TINCR: variants seen among roughly 807,000 people sequenced by gnomAD.
The protein encoded by TINCR is TINCR-encoded ubiquitin-like protein.
downstream of TINCR, chr19:5,558,664 A>G (rs914951149): frequency 3.3e-5 from 5 of 152,244 alleles, no homozygotes; most frequent in Non-Finnish European, 5.9e-5. Flanking sequence ...AGCTTCCTCA[A>G]AGCAGCTCTG....
At position 5,565,557 on chromosome 19, in the gene TINCR, T is replaced by C. The variant is rs2052124108; in HGVS notation, c.260+2108A>G. On this transcript the variant is annotated intron_variant, in intron 1 of 1. Transcript: ENST00000646160. This position sits in a 1 kb window ranked among gnomAD's most constrained non-coding sequence, Gnocchi z 4.0. The stretch of plus-strand genomic sequence containing the variant: ...TAATTACAGTCTGGACGTCTGAGGG[T>C]CGTCCAGCCCCCAGACCTCATAGAA... Among the ~76,000 whole-genome samples, 1 of 151,958 alleles carries C rather than the reference T, an allele frequency of 6.6e-6. No individual in the cohort carries two copies. The highest frequency in any genetic ancestry group is 1.9e-4 in the East Asian group (1 of 5,172).
intron 1 of TINCR, 34 bp downstream of exon 1, chr19:5,567,626 GCCGCC>G: frequency 9.9e-6 from 2 of 202,430 alleles, no homozygotes; most frequent in Non-Finnish European, 2.0e-5. Context: ...GTCCCCGGCC[GCCGCC>G]CCCGCCCCAC....
rs531371230 is a variant in TINCR, at chr19:5,565,754, C to T, written c.260+1911G>A. 3.5e-4 allele frequency among the ~76,000 whole-genome samples: 54 copies of T among 152,332 alleles called. No homozygotes were observed. Among genetic ancestry groups the T allele is most frequent in the African/African-American group, 1.3e-3 (52 of 41,562 alleles). On this transcript the variant is annotated intron_variant, in intron 1 of 1. Coordinates refer to ENST00000646160, the Ensembl canonical transcript of TINCR. The surrounding 1 kb of genome is among the most constrained non-coding windows in gnomAD (Gnocchi z 4.0). Reference sequence around the variant, plus strand: ...TCCTGCAACGGGGTGGCATCTGAGGCTCCTGCCCTCAAAACATCAACCCAG... The same window carrying T: ...TCCTGCAACGGGGTGGCATCTGAGGTTCCTGCCCTCAAAACATCAACCCAG...
chr19:5,566,541 G>A (rs904598709), intron 1 of TINCR, among the ~76,000 whole-genome samples: 3 of 149,066 alleles, frequency 2.0e-5, no homozygotes, highest in African/African-American at 7.4e-5. Flanking sequence ...AGAGAGAGAT[G>A]CGCGCACACA....
chr19:5,563,135 G>A lies in TINCR; in HGVS notation c.261-186C>T, dbSNP rs1366850659. Among the ~76,000 whole-genome samples the A allele has an allele frequency of 2.0e-5, 3 of 151,940 alleles. No individual in the cohort carries two copies. The highest frequency in any genetic ancestry group is 7.3e-5 in the African/African-American group (3 of 41,366). Reference sequence around the variant, plus strand: ...AGAGGGAGGAGGAGCAAGCAGGGAGGGAATACAGCAGGTCATCCAGGGTCT... The same window carrying A: ...AGAGGGAGGAGGAGCAAGCAGGGAGAGAATACAGCAGGTCATCCAGGGTCT... On this transcript the variant is annotated intron_variant, in intron 1 of 1. Transcript: ENST00000646160. The surrounding 1 kb of genome is among the most constrained non-coding windows in gnomAD (Gnocchi z 4.7).
chr19:5,567,886 G>A (rs1284401631), exon 1 of TINCR: 5 of 390,062 alleles, frequency 1.3e-5, no homozygotes, highest in Non-Finnish European at 1.8e-5. Flanking sequence ...TGATGTGGTA[G>A]CGCTTCCAGC....
chr19:5,559,192 G>A (rs891688414), downstream of TINCR: 2 of 152,214 alleles, frequency 1.3e-5, no homozygotes, highest in African/African-American at 2.4e-5. Context: ...GTGGAGAAGC[G>A]GGAAACCCTT....
chr19:5,565,974 T>C lies in TINCR; in HGVS notation c.260+1691A>G, dbSNP rs1379070870. On this transcript the variant is annotated intron_variant, in intron 1 of 1. Transcript: ENST00000646160. The surrounding 1 kb of genome is among the most constrained non-coding windows in gnomAD (Gnocchi z 4.0). ...TCCCAGAGCTGCCCCAGGCCGGCAG[T>C]GAGCTGTTCCCGTGGCCCCAGCGCC... Among the ~76,000 whole-genome samples, 1 of 152,118 alleles carries C rather than the reference T, an allele frequency of 6.6e-6. No individual in the cohort carries two copies. Among genetic ancestry groups the C allele is most frequent in the African/African-American group, 2.4e-5 (1 of 41,418 alleles).
intron 1 of TINCR, among the ~76,000 whole-genome samples, chr19:5,564,901 C>G (rs1256763323): frequency 6.6e-6 from 1 of 151,964 alleles, no homozygotes; most frequent in Non-Finnish European, 1.5e-5. Flanking sequence ...CTGAAGGCTT[C>G]TGTTCTCTGC....
rs1019262222 is a variant in TINCR at position 5,563,372 on chromosome 19, G to A, written c.261-423C>T. Among the ~76,000 whole-genome samples, 1 of 152,048 alleles carries A rather than the reference G, an allele frequency of 6.6e-6. No individual in the cohort carries two copies. The highest frequency in any genetic ancestry group is 1.5e-5 in the Non-Finnish European group (1 of 68,012). ...TGGGCCAGGGGTTGAGAAGTGGGAG[G>A]ATTATGGTTAGACTTTGAAGGCGGA... is the stretch of plus-strand genomic sequence containing the variant. On this transcript the variant is annotated intron_variant, in intron 1 of 1. Coordinates refer to ENST00000646160, the Ensembl canonical transcript of TINCR. The surrounding 1 kb of genome is among the most constrained non-coding windows in gnomAD (Gnocchi z 4.7).
chr19:5,566,374 GAC>G (rs1568193852), intron 1 of TINCR, among the ~76,000 whole-genome samples: 1 of 151,498 alleles, frequency 6.6e-6, no homozygotes, highest in African/African-American at 2.4e-5. Flanking sequence ...AGACAAAAGA[GAC>G]ACACAGAGAG....
chr19:5,559,334 CTTTTTTTT>C, downstream of TINCR: 1 of 131,110 alleles, frequency 7.6e-6, no homozygotes, highest in East Asian at 2.3e-4. Flanking sequence ...GGCTGTCAAT[CTTTTTTTT>C]TTTTTTTTTT....
chr19:5,566,423 AAG>A (rs541460122), intron 1 of TINCR, among the ~76,000 whole-genome samples: 5 of 151,826 alleles, frequency 3.3e-5, no homozygotes, highest in African/African-American at 1.2e-4. Flanking sequence ...GAGACAGAGA[AAG>A]AGAGACAGAA....
In TINCR at chr19:5,563,787, C is replaced by T. The variant is rs1356610367; in HGVS notation, c.261-838G>A. On this transcript the variant is annotated intron_variant, in intron 1 of 1. Coordinates refer to ENST00000646160, the Ensembl canonical transcript of TINCR. The surrounding 1 kb of genome is among the most constrained non-coding windows in gnomAD (Gnocchi z 4.7). ...AAAATTAGCCAGGCATGGTGGCGGGCGCCTGTAATCCCAGCTACTCAGGAG... is the reference window on the plus strand; with the variant it reads ...AAAATTAGCCAGGCATGGTGGCGGGTGCCTGTAATCCCAGCTACTCAGGAG... Among the ~76,000 whole-genome samples the T allele has an allele frequency of 6.6e-6, 1 of 152,048 alleles. No homozygotes were observed. The highest frequency in any genetic ancestry group is 6.6e-5 in the Admixed American group (1 of 15,262).
chr19:5,567,697 G>T (rs1270827805), exon 1 of TINCR: 1 of 139,498 alleles, frequency 7.2e-6, no homozygotes, highest in Non-Finnish European at 1.5e-5. Context: ...GCACCGAGCC[G>T]TCCTGCAGGC....
rs538478267 is a variant in TINCR, at chr19:5,563,948, C to A, written c.261-999G>T. Among the ~76,000 whole-genome samples, 22 of 152,248 alleles carry A rather than the reference C, an allele frequency of 1.4e-4. 1 individual carries two copies. The highest frequency in any genetic ancestry group is 5.1e-4 in the African/African-American group (21 of 41,574). Reference sequence around the variant, plus strand: ...ATAAATAATAAATAAATAAAAGCATCCTCGCCAGGGGACAGCGGTAAGGCC... The same window carrying A: ...ATAAATAATAAATAAATAAAAGCATACTCGCCAGGGGACAGCGGTAAGGCC... On this transcript the variant is annotated intron_variant, in intron 1 of 1. Coordinates refer to ENST00000646160, the Ensembl canonical transcript of TINCR. This position sits in a 1 kb window ranked among gnomAD's most constrained non-coding sequence, Gnocchi z 4.7.
chr19:5,567,629 G>GGCC, intron 1 of TINCR, 36 bp downstream of exon 1: 14 of 181,980 alleles, frequency 7.7e-5, no homozygotes, highest in Non-Finnish European at 1.3e-4. Context: ...CCCGGCCGCC[G>GGCC]CCCCCGCCCC....
downstream of TINCR, chr19:5,561,501 T>A (rs1235315396): frequency 6.6e-6 from 1 of 152,354 alleles, no homozygotes; most frequent in African/African-American, 2.4e-5. Context: ...TTACCTAACA[T>A]CCCTGACACG....
At chr19:5,567,707 C>A in exon 1 of TINCR, 1 of 341,050 alleles carries the variant, frequency 2.9e-6, no homozygotes, top group Non-Finnish European at 5.3e-6. Flanking sequence ...GTCCTGCAGG[C>A]GCGCGTCGCG....
Sources: allele counts gnomAD v4.1 joint callset (sites outside exome capture counted in the v4.1 genomes callset), GRCh38; gene constraint gnomAD v4.1.1; non-coding constraint Gnocchi (gnomAD v3.1); transcripts MANE v1.5; gene names NCBI Gene and HGNC (gene_info 2026-07-23, HGNC 2026-07-21).